RBFOX3: variants seen among roughly 807,000 people sequenced by gnomAD.
The protein encoded by RBFOX3 is RNA binding fox-1 homolog 3, also known as RNA binding protein fox-1 homolog 3.
In RBFOX3, 17 loss-of-function variants were observed where a neutral mutation model predicts 48.7. That is an observed-to-expected ratio of 0.35 (90% CI 0.24 to 0.52). RBFOX3 has a LOEUF of 0.52. RBFOX3 is among the 20% of genes least tolerant of loss of function. The pLI is 0.94. For synonymous variants in RBFOX3, 212 were observed against 209.5 expected (o/e 1.01, Z -0.10); for missense variants, 382 against 497.5 (o/e 0.77, Z 2.21).
intron 2 of RBFOX3, among the ~76,000 whole-genome samples, chr17:79,326,297 G>C (rs943236281): frequency 6.6e-6 from 1 of 152,098 alleles, no homozygotes; most frequent in Non-Finnish European, 1.5e-5. Context: ...AAGCTAGGAG[G>C]CGCCAGGATG....
At position 79,115,679 on chromosome 17, in the gene RBFOX3, G is replaced by T; in HGVS notation, c.37C>A (p.Pro13Thr). ...TCGGCAGGGATGCCGTTCTGTGGCG[G>T]AGGGGGGTACTGGGCGGGGGGGTAG... Reference protein sequence around the residue: ...QPYPPAQYPPPPQNGIPAEYA... With the variant: ...QPYPPAQYPPTPQNGIPAEYA... The change falls in exon 5 of 15, where the codon CCG becomes ACG. Residue 13 changes from proline (P) to threonine (T), a missense_variant. By Grantham distance (38) the Pro-to-Thr change is conservative. This residue lies in a region of RBFOX3 where 118 missense variants were observed against 132.1 expected (regional missense o/e 0.89). Transcript: ENST00000693108. The T allele has an allele frequency of 1.7e-6, 2 of 1,149,878 alleles. No individual in the cohort carries two copies. Among genetic ancestry groups the T allele is most frequent in the Non-Finnish European group, 2.4e-6 (2 of 828,738 alleles). The allele number at this position is 1,149,878 out of a possible 1,614,324, so 71.2% of individuals were successfully genotyped here.
intron 1 of RBFOX3, among the ~76,000 whole-genome samples, chr17:79,522,374 G>A (rs2086225204): frequency 2.0e-5 from 3 of 152,096 alleles, no homozygotes; most frequent in African/African-American, 4.8e-5. Flanking sequence ...AGGAGCTAGA[G>A]GCCCCCAAAC....
the RBFOX3 span, among the ~76,000 whole-genome samples, chr17:79,657,824 A>C: frequency 6.6e-6 from 1 of 152,214 alleles, no homozygotes; most frequent in Non-Finnish European, 1.5e-5. Flanking sequence ...CCAAGCAATG[A>C]ACACGGATGT....
intron 2 of RBFOX3, among the ~76,000 whole-genome samples, chr17:79,379,700 C>T (rs751422567): frequency 3.1e-4 from 47 of 152,296 alleles, no homozygotes; most frequent in Middle Eastern, 3.4e-3. Context: ...GCTCAGCCCC[C>T]GCAAATCCCG....
At chr17:79,310,451 G>A (rs906220635) in intron 2 of RBFOX3, among the ~76,000 whole-genome samples, 5 of 152,132 alleles carry the variant, frequency 3.3e-5, no homozygotes, top group African/African-American at 1.2e-4. Context: ...GGTTCCTGTA[G>A]ACTTTTTTCT....
the RBFOX3 span, among the ~76,000 whole-genome samples, chr17:79,627,520 A>C: frequency 1.3e-5 from 2 of 152,082 alleles, no homozygotes; most frequent in African/African-American, 4.8e-5. Flanking sequence ...GCCTGACTCC[A>C]GGAGTGAGAC....
rs1012549048 is a variant in RBFOX3, at chr17:79,520,082, C to G, written c.-319-37484G>C. Among the ~76,000 whole-genome samples the G allele has an allele frequency of 3.9e-5, 6 of 152,270 alleles. No homozygotes were observed. In the South Asian group the frequency reaches 1.2e-3, roughly 32 times the overall value. On this transcript the variant is annotated intron_variant, in intron 1 of 14. Coordinates refer to ENST00000693108, the MANE Select transcript of RBFOX3 (RefSeq NM_001350451.2). ...GTCTCCCCTGTGCAGTCGAGGACACCGAGGCCCAGGCTTGAGTGAATTGCC... is the reference window on the plus strand; with the variant it reads ...GTCTCCCCTGTGCAGTCGAGGACACGGAGGCCCAGGCTTGAGTGAATTGCC...
intron 2 of RBFOX3, among the ~76,000 whole-genome samples, chr17:79,457,996 G>A (rs970277485): frequency 1.3e-5 from 2 of 152,204 alleles, no homozygotes; most frequent in East Asian, 1.9e-4. Context: ...CCTGGGCCAG[G>A]GCAGCAGAAA....
At chr17:79,319,442 G>A (rs188045060) in intron 2 of RBFOX3, among the ~76,000 whole-genome samples, 13 of 152,342 alleles carry the variant, frequency 8.5e-5, no homozygotes, top group Admixed American at 4.6e-4. Context: ...CCCAGGGCTC[G>A]GCCTACTTTC....
chr17:79,262,451 G>A (rs1046845942), intron 3 of RBFOX3, among the ~76,000 whole-genome samples: 3 of 152,248 alleles, frequency 2.0e-5, no homozygotes, highest in Non-Finnish European at 4.4e-5. Flanking sequence ...ATTCCACCTC[G>A]GTCGTTCTCC....
chr17:79,214,659 C>A lies in RBFOX3; in HGVS notation c.-34+21107G>T, dbSNP rs944502072. 6.6e-6 allele frequency among the ~76,000 whole-genome samples: 1 copy of A among 151,882 alleles called. No individual in the cohort carries two copies. Among genetic ancestry groups the A allele is most frequent in the Non-Finnish European group, 1.5e-5 (1 of 67,948 alleles). Reference sequence around the variant, plus strand: ...CTCCCAGGCAGGGCTGAAGCTGGGTCTGTTCCCCAGGTTCCTGGGAGGGTG... The same window carrying A: ...CTCCCAGGCAGGGCTGAAGCTGGGTATGTTCCCCAGGTTCCTGGGAGGGTG... On this transcript the variant is annotated intron_variant, in intron 4 of 14. Transcript: ENST00000693108. The surrounding 1 kb of genome is among the most constrained non-coding windows in gnomAD (Gnocchi z 4.7).
intron 1 of RBFOX3, among the ~76,000 whole-genome samples, chr17:79,539,783 A>G (rs962288730): frequency 2.6e-5 from 4 of 152,264 alleles, no homozygotes; most frequent in African/African-American, 9.6e-5. Context: ...GTCATTTCAA[A>G]GTAAAGCCTT....
chr17:79,194,530 T>G (rs2055156016), intron 4 of RBFOX3, among the ~76,000 whole-genome samples: 1 of 151,954 alleles, frequency 6.6e-6, no homozygotes, highest in South Asian at 2.1e-4. Flanking sequence ...TGCTTGAACC[T>G]GGGAGGCGGA....
At chr17:79,269,248 C>T (rs1341264416) in intron 3 of RBFOX3, among the ~76,000 whole-genome samples, 1 of 152,192 alleles carries the variant, frequency 6.6e-6, no homozygotes, top group African/African-American at 2.4e-5. Flanking sequence ...TGGATCCTCC[C>T]TTAGAGCCTT....
the RBFOX3 span, among the ~76,000 whole-genome samples, chr17:79,655,202 A>T: frequency 3.3e-5 from 5 of 152,194 alleles, no homozygotes; most frequent in Non-Finnish European, 7.3e-5. Context: ...CACCCGGACC[A>T]GCACGAAGAG....
intron 2 of RBFOX3, among the ~76,000 whole-genome samples, chr17:79,372,323 TCCC>T (rs1479246780): frequency 3.0e-5 from 2 of 67,078 alleles, no homozygotes; most frequent in Non-Finnish European, 5.6e-5. Context: ...CCCTGTCAAA[TCCC>T]CCCCATCCTA....
intron 2 of RBFOX3, among the ~76,000 whole-genome samples, chr17:79,467,548 G>T (rs1215648376): frequency 6.6e-6 from 1 of 152,166 alleles, no homozygotes; most frequent in Non-Finnish European, 1.5e-5. Flanking sequence ...GCACTCCTGG[G>T]CCACCCCCTG....
rs979116624 is a variant in RBFOX3, at chr17:79,097,872, C to T, written c.569-127G>A. 4.1e-6 allele frequency: 4 copies of T among 973,308 alleles called. No individual in the cohort carries two copies. The Admixed American group carries it at 6.2e-5, about 15-fold the overall frequency. 60.3% of individuals were successfully genotyped at this position (973,308 alleles called of 1,614,324 possible). A position where few individuals can be genotyped will look rare whatever the true frequency, so the allele number is the denominator to read the frequency against. The stretch of plus-strand genomic sequence containing the variant: ...ACATTCCCAGGGCGCCTCCCCGCGC[C>T]GGGCCCCCCTTTCCCACACTGCCCG... On this transcript the variant is annotated intron_variant, in intron 9 of 14. Transcript: ENST00000693108.
intron 1 of RBFOX3, among the ~76,000 whole-genome samples, chr17:79,578,874 C>T (rs1203231565): frequency 9.2e-5 from 14 of 152,240 alleles, no homozygotes; most frequent in Admixed American, 2.0e-4. Context: ...CCTCAGGGCT[C>T]GCTCCATCAC....
Sources: gnomAD v4.1 joint callset for allele counts (sites outside exome capture counted in the v4.1 genomes callset) on GRCh38, gnomAD v4.1.1 for gene constraint, gnomAD v4.1.1 regional missense constraint, Gnocchi (gnomAD v3.1) non-coding constraint, MANE v1.5 for transcripts, NCBI Gene and HGNC (gene_info 2026-07-23, HGNC 2026-07-21) for gene names.